COL25A1: variants seen among roughly 807,000 people sequenced by gnomAD.
The protein encoded by COL25A1 is collagen type XXV alpha 1 chain, also known as collagen alpha-1(XXV) chain.
Under a neutral mutation model 128.4 loss-of-function variants are expected in COL25A1, and 103 were observed. The observed-to-expected ratio is 0.80, with a 90% CI of 0.68 to 0.94. The LOEUF is 0.94. Among genes scored for constraint, COL25A1 ranks in the 40% least tolerant of loss-of-function variants. COL25A1 has a pLI of 0.00. For missense variants in COL25A1, 745 were observed against 840.0 expected (o/e 0.89, Z 1.40); for synonymous variants, 279 against 277.2 (o/e 1.01, Z -0.06).
chr4:108,813,997 ATATT>A (rs1731016730), intron 37 of COL25A1, 68 bp from the exon 38 acceptor site: 2 of 1,254,982 alleles, frequency 1.6e-6, no homozygotes, highest in African/African-American at 1.5e-5. Context: ...TTTTAAATCA[ATATT>A]TATTTTCAGA....
chr4:108,962,994 G>T (rs1172614460), intron 8 of COL25A1, among the ~76,000 whole-genome samples: 2 of 152,118 alleles, frequency 1.3e-5, no homozygotes, highest in Admixed American at 6.5e-5. Flanking sequence ...TGCTACAGGG[G>T]GCTGCTGGAC....
At chr4:109,288,982 C>T (rs1287372224) in intron 3 of COL25A1, among the ~76,000 whole-genome samples, 27 of 151,496 alleles carry the variant, frequency 1.8e-4, no homozygotes, top group African/African-American at 6.3e-4. Flanking sequence ...CACACACACA[C>T]ACACACACAC....
At chr4:109,027,173 G>A (rs897469395) in intron 5 of COL25A1, among the ~76,000 whole-genome samples, 2 of 152,206 alleles carry the variant, frequency 1.3e-5, no homozygotes, top group Non-Finnish European at 2.9e-5. Flanking sequence ...GAATGTTTAT[G>A]AATAATGTGG....
intron 24 of COL25A1, among the ~76,000 whole-genome samples, chr4:108,853,765 T>C (rs1736120656): frequency 6.6e-6 from 1 of 151,166 alleles, no homozygotes; most frequent in East Asian, 2.0e-4. Context: ...GAATATGTGG[T>C]GTTTGGTTTT....
intron 3 of COL25A1, among the ~76,000 whole-genome samples, chr4:109,186,169 C>A (rs1775113354): frequency 6.6e-6 from 1 of 152,118 alleles, no homozygotes; most frequent in South Asian, 2.1e-4. Context: ...AATCTCCTTC[C>A]CATGGACCAC....
chr4:108,932,146 A>T (rs1461858834), intron 11 of COL25A1, among the ~76,000 whole-genome samples: 1 of 152,184 alleles, frequency 6.6e-6, no homozygotes, highest in African/African-American at 2.4e-5. Flanking sequence ...GCTGATCAAG[A>T]TAGCAGGCAG....
chr4:109,258,372 G>A (rs1293908781), intron 3 of COL25A1, among the ~76,000 whole-genome samples: 1 of 151,990 alleles, frequency 6.6e-6, no homozygotes, highest in African/African-American at 2.4e-5. Flanking sequence ...TGGGCTCTAT[G>A]ACCATTTTAC....
intron 6 of COL25A1, among the ~76,000 whole-genome samples, chr4:108,980,015 C>T (rs1033573862): frequency 1.3e-5 from 2 of 152,110 alleles, no homozygotes; most frequent in African/African-American, 2.4e-5. Context: ...GAGAAAATAC[C>T]ACTCTGTCAG....
At chr4:109,114,663 A>C (rs1288879253) in intron 3 of COL25A1, among the ~76,000 whole-genome samples, 1 of 152,078 alleles carries the variant, frequency 6.6e-6, no homozygotes, top group Non-Finnish European at 1.5e-5. Context: ...CAAGAATATC[A>C]ACGTGACATA....
chr4:109,292,782 T>C (rs959459268), intron 3 of COL25A1, among the ~76,000 whole-genome samples: 2 of 152,092 alleles, frequency 1.3e-5, no homozygotes, highest in Non-Finnish European at 2.9e-5. Flanking sequence ...CCAATCAAGT[T>C]GATAACCATC....
At chr4:109,236,960 A>T (rs1779520924) in intron 3 of COL25A1, among the ~76,000 whole-genome samples, 1 of 152,080 alleles carries the variant, frequency 6.6e-6, no homozygotes, top group Non-Finnish European at 1.5e-5. Context: ...ACAGTTTCAC[A>T]TTATGTAGAA....
chr4:109,044,807 T>C (rs887915979), intron 5 of COL25A1, among the ~76,000 whole-genome samples: 1 of 152,128 alleles, frequency 6.6e-6, no homozygotes, highest in African/African-American at 2.4e-5. Flanking sequence ...GAGGAGATAG[T>C]TGAATAATGT....
chr4:108,816,258 A>T (rs1001934852), intron 37 of COL25A1, among the ~76,000 whole-genome samples: 5 of 152,150 alleles, frequency 3.3e-5, no homozygotes, highest in African/African-American at 1.2e-4. Flanking sequence ...ATTAAGAAAG[A>T]GAGTGAGTTA....
chr4:109,059,682 G>C (rs907008753), intron 3 of COL25A1, among the ~76,000 whole-genome samples: 5 of 152,162 alleles, frequency 3.3e-5, no homozygotes, highest in African/African-American at 1.2e-4. Context: ...ACATATTTAT[G>C]TTTAAGCTCA....
At chr4:108,844,639 T>C in intron 29 of COL25A1, 70 bp from the exon 30 acceptor site, 1 of 1,561,474 alleles carries the variant, frequency 6.4e-7, no homozygotes. Flanking sequence ...TTGAATCTTG[T>C]GCTGGGGTTC....
chr4:108,965,169 C>G (rs1392128272), intron 8 of COL25A1, among the ~76,000 whole-genome samples: 2 of 152,184 alleles, frequency 1.3e-5, no homozygotes, highest in Non-Finnish European at 2.9e-5. Context: ...TTTTAAGATG[C>G]TATCAGTTTT....
At chr4:109,047,362 T>A (rs1425617485) in intron 5 of COL25A1, among the ~76,000 whole-genome samples, 2 of 152,212 alleles carry the variant, frequency 1.3e-5, no homozygotes, top group African/African-American at 4.8e-5. Context: ...GGTATTGGTG[T>A]GTGATCATAT....
In COL25A1 at chr4:109,285,742, A is replaced by T. The variant is rs1257216862; in HGVS notation, c.367+14841T>A. On this transcript the variant is annotated intron_variant, in intron 3 of 37. Coordinates refer to ENST00000399132, the MANE Select transcript of COL25A1 (RefSeq NM_198721.4). ...TACTCTAAAAGCAAAGCTAATAAAC[A>T]CTCAAATATCACTTCCTAACATTAC... 3.3e-5 allele frequency among the ~76,000 whole-genome samples: 5 copies of T among 152,150 alleles called. No homozygotes were observed. In the East Asian group the frequency reaches 7.7e-4, roughly 23 times the overall value.
intron 3 of COL25A1, among the ~76,000 whole-genome samples, chr4:109,094,653 CA>C: frequency 6.6e-6 from 1 of 152,258 alleles, no homozygotes; most frequent in Admixed American, 6.5e-5. Flanking sequence ...TCAACTTAAT[CA>C]AATCATTTAA....
Sources: allele counts gnomAD v4.1 joint callset (sites outside exome capture counted in the v4.1 genomes callset), GRCh38; gene constraint gnomAD v4.1.1; transcripts MANE v1.5; gene names NCBI Gene and HGNC (gene_info 2026-07-23, HGNC 2026-07-21).